SMG1: variants seen among roughly 807,000 people sequenced by gnomAD.
SMG1 encodes the protein serine/threonine-protein kinase SMG1.
In SMG1, 22 loss-of-function variants were observed where a neutral mutation model predicts 419.9. The observed-to-expected ratio is 0.05, with a 90% CI of 0.04 to 0.07. The LOEUF (loss-of-function observed/expected upper bound fraction) is 0.07. Ranked by LOEUF, SMG1 falls within the 10% of genes least tolerant of loss-of-function variation. The probability of loss-of-function intolerance (pLI) is 1.00; values close to 1 mark genes in which losing one functional copy is unlikely to be tolerated. For missense variants in SMG1, 3,185 were observed against 4,342.0 expected (o/e 0.73, Z 7.49); for synonymous variants, 1,538 against 1,553.5 (o/e 0.99, Z 0.23).
chr16:18,864,284 C>T (rs1289073160), intron 23 of SMG1, 140 bp from the exon 24 acceptor site: 4 of 704,310 alleles, frequency 5.7e-6, no homozygotes, highest in Non-Finnish European at 8.8e-6. Context: ...CAACCTCTGC[C>T]TCCTGGGTAC....
intron 1 of SMG1, among the ~76,000 whole-genome samples, chr16:18,917,571 A>G (rs775888673): frequency 6.6e-6 from 1 of 151,542 alleles, no homozygotes; most frequent in Admixed American, 6.6e-5. Context: ...CACGCACTCT[A>G]ACACACACAC....
Position 18,815,254 on chromosome 16 carries a change from T to C in SMG1, c.10542A>G (p.Ala3514=), listed in dbSNP as rs1275957999. The change falls in exon 60 of 63, where the codon GCA becomes GCG. Residue 3514 remains alanine (A), a synonymous_variant. Coordinates refer to ENST00000446231, the MANE Select transcript of SMG1 (RefSeq NM_015092.5). ...QSIYNNLVSF[A]SPLVTDATNE... ...TTGTTGCATCGGTGACTAAGGGTGATGCAAAACTCACTAAATTATTATAGA... is the reference window on the plus strand; with the variant it reads ...TTGTTGCATCGGTGACTAAGGGTGACGCAAAACTCACTAAATTATTATAGA... The C allele has an allele frequency of 1.3e-6, 2 of 1,588,750 alleles. No homozygotes were observed. Among genetic ancestry groups the C allele is most frequent in the East Asian group, 2.3e-5 (1 of 43,782 alleles).
At chr16:18,916,247 G>A (rs1158313250) in intron 1 of SMG1, among the ~76,000 whole-genome samples, 2 of 151,664 alleles carry the variant, frequency 1.3e-5, no homozygotes, top group Non-Finnish European at 2.9e-5. Context: ...CAGGCACGGT[G>A]GCTCACGCCT....
intron 55 of SMG1, among the ~76,000 whole-genome samples, chr16:18,827,468 A>ATATT (rs1278349138): frequency 1.4e-5 from 2 of 144,994 alleles, no homozygotes; most frequent in African/African-American, 5.1e-5. Flanking sequence ...ATATATATAT[A>ATATT]TTTTTATATA....
intron 1 of SMG1, among the ~76,000 whole-genome samples, chr16:18,919,064 T>G (rs1313586139): frequency 6.6e-6 from 1 of 151,240 alleles, no homozygotes; most frequent in African/African-American, 2.4e-5. Flanking sequence ...CAGTAGCTTA[T>G]GCCTGTAATC....
At chr16:18,908,304 G>A (rs959803971) in intron 1 of SMG1, among the ~76,000 whole-genome samples, 13 of 150,258 alleles carry the variant, frequency 8.7e-5, no homozygotes, top group Admixed American at 4.0e-4. Context: ...GGCGGAGGTT[G>A]CAGTGAGCCG....
Position 18,833,147 on chromosome 16 carries a change from C to A in SMG1, c.8585G>T (p.Arg2862Leu), listed in dbSNP as rs528487216. 6.2e-7 allele frequency: 1 copy of A among 1,613,414 alleles called. No homozygotes were observed. The highest frequency in any genetic ancestry group is 1.1e-5 in the South Asian group (1 of 90,976). Residue 2862 changes from arginine to leucine, a missense_variant, in exon 51 of 63, where the codon CGG becomes CTG. Physicochemically the swap from Arg to Leu is moderately radical, Grantham distance 102 (BLOSUM62 -2). Coordinates refer to ENST00000446231, the MANE Select transcript of SMG1 (RefSeq NM_015092.5). ...TSLQELNSNF[R>L]QIIFPEALRC... is the part of the protein sequence containing the mutation. Reference sequence around the variant, plus strand: ...AAGTGCTTCTGGAAATATGATTTGCCGGAAATTCGAATTCAATTCCTATAA... The same window carrying A: ...AAGTGCTTCTGGAAATATGATTTGCAGGAAATTCGAATTCAATTCCTATAA...
Position 18,828,814 on chromosome 16 carries a change from C to G in SMG1, c.9603+472G>C, listed in dbSNP as rs2032945295. ...GGGAGTTCGAGACCAGCCTGACCAA[C>G]ATGGAGAAACCCCATCTCTACTAAA... On this transcript the variant is annotated intron_variant, in intron 54 of 62. Coordinates refer to ENST00000446231, the MANE Select transcript of SMG1 (RefSeq NM_015092.5). 1.3e-5 allele frequency among the ~76,000 whole-genome samples: 2 copies of G among 152,160 alleles called. 1 individual carries two copies. The highest frequency in any genetic ancestry group is 4.1e-4 in the South Asian group (2 of 4,832).
chr16:18,815,362 T>C (rs1276365340), intron 59 of SMG1, 78 bp downstream of exon 59: 2 of 1,570,192 alleles, frequency 1.3e-6, no homozygotes, highest in East Asian at 4.5e-5. Flanking sequence ...AACTGAAAAA[T>C]TAAATCAAGA....
In SMG1 at chr16:18,877,211, T is replaced by C. The variant is rs1042031121; in HGVS notation, c.1540A>G (p.Lys514Glu). The C allele has an allele frequency of 1.3e-6, 2 of 1,549,880 alleles. No individual in the cohort carries two copies. The highest frequency in any genetic ancestry group is 3.7e-5 in the Admixed American group (2 of 53,634). Residue 514 changes from lysine to glutamate, a missense_variant, in exon 12 of 63, where the codon AAA (lysine) becomes GAA (glutamate). This residue lies in a region of SMG1 where 297 missense variants were observed against 491.0 expected (regional missense o/e 0.60). Coordinates refer to ENST00000446231, the MANE Select transcript of SMG1 (RefSeq NM_015092.5). ...LTLIVEQINT[K>E]LPSSFVEKLF... ...TTTTCTACAAATGATGATGGCAGTT[T>C]CGTATTTATCTGTTCAACAATCTAA...
Position 18,849,104 on chromosome 16 carries a change from A to AAC in SMG1, c.5623+112_5623+113insGT, listed in dbSNP as rs1555493201. 5.5e-4 allele frequency: 145 copies of AAC among 262,622 alleles called. 27 individuals are homozygous for AAC. The highest frequency in any genetic ancestry group is 9.1e-4 in the Admixed American group (13 of 14,306). The allele number at this position is 262,622 out of a possible 1,614,324, so 16.3% of individuals were successfully genotyped here. A position where few individuals can be genotyped will look rare whatever the true frequency, so the allele number is the denominator to read the frequency against. ...AAAAAAAAAAAAAAAAAAAAAAAAA[A>AAC]AACCCTACAAACTCTAACAACTCTG... On this transcript the variant is annotated intron_variant, in intron 36 of 62. Transcript: ENST00000446231.
chr16:18,852,490 T>C (rs1468290826), intron 31 of SMG1, 28 bp from the exon 32 acceptor site: 1 of 1,466,478 alleles, frequency 6.8e-7, no homozygotes, highest in Non-Finnish European at 9.1e-7. Context: ...AAAATAATTA[T>C]AATAAAAGAA....
Position 18,926,170 on chromosome 16 carries a change from G to A in SMG1, c.-129C>T. On this transcript the variant is annotated 5_prime_UTR_variant, in exon 1 of 63. Coordinates refer to ENST00000446231, the MANE Select transcript of SMG1 (RefSeq NM_015092.5). ...AGGAAGCCGAGAAGGAGGAGGAGGA[G>A]GAGGAGGAGGAGAAGGAGGAGGCGG... 4 of 760,214 alleles carry A rather than the reference G, an allele frequency of 5.3e-6. No individual in the cohort carries two copies. The highest frequency in any genetic ancestry group is 8.0e-6 in the Non-Finnish European group (4 of 497,626). 47.1% of individuals were successfully genotyped at this position (760,214 alleles called of 1,614,324 possible).
At chr16:18,919,650 G>A (rs554539070) in intron 1 of SMG1, among the ~76,000 whole-genome samples, 40 of 82,066 alleles carry the variant, frequency 4.9e-4, no homozygotes, top group East Asian at 2.7e-3. Context: ...GTGTGTGTGT[G>A]TATATATACA....
At chr16:18,912,448 T>C (rs555445010) in intron 1 of SMG1, among the ~76,000 whole-genome samples, 27 of 152,114 alleles carry the variant, frequency 1.8e-4, no homozygotes, top group South Asian at 4.1e-4. Context: ...ATTACACACA[T>C]ATATATAAAC....
chr16:18,874,650 G>A (rs1295853476), intron 13 of SMG1, among the ~76,000 whole-genome samples: 3 of 147,266 alleles, frequency 2.0e-5, no homozygotes, highest in Middle Eastern at 3.5e-3. Flanking sequence ...TGGATCACCT[G>A]AGGTCAGGAG....
rs767487355 is a variant in SMG1 at position 18,853,859 on chromosome 16, T to C, written c.4492A>G (p.Thr1498Ala). 17 of 1,609,436 alleles carry C rather than the reference T, an allele frequency of 1.1e-5. No homozygotes were observed. Among genetic ancestry groups the C allele is most frequent in the South Asian group, 2.2e-5 (2 of 90,482 alleles). Reference sequence around the variant, plus strand: ...GAACTCAACATTTCCATTGCATGTGTTGACTGGCCTACAGAAAACCACAAA... The same window carrying C: ...GAACTCAACATTTCCATTGCATGTGCTGACTGGCCTACAGAAAACCACAAA... ...TKLLYTAGQS[T>A]HAMEMLSSCA... Residue 1498 changes from threonine to alanine, a missense_variant, in exon 31 of 63, where the codon ACA (threonine) becomes GCA (alanine). Thr to Ala is a moderately conservative substitution (Grantham distance 58). Around this residue, in one of 27 missense-constraint regions of SMG1, gnomAD observed 493 missense variants for 552.9 expected, o/e 0.89. Transcript: ENST00000446231.
At chr16:18,922,861 G>GT (rs1372517138) in intron 1 of SMG1, among the ~76,000 whole-genome samples, 1 of 152,092 alleles carries the variant, frequency 6.6e-6, no homozygotes, top group African/African-American at 2.4e-5. Flanking sequence ...TGGGCAGACT[G>GT]TTTGAGTTCA....
At chr16:18,809,979 T>TA (rs951552701) in intron 62 of SMG1, among the ~76,000 whole-genome samples, 218 of 143,368 alleles carry the variant, frequency 1.5e-3, no homozygotes, top group African/African-American at 4.0e-3. Flanking sequence ...AACGGTTTCT[T>TA]AAAAAAAAAA....
Sources: gnomAD v4.1 joint callset for allele counts (sites outside exome capture counted in the v4.1 genomes callset) on GRCh38, gnomAD v4.1.1 for gene constraint, gnomAD v4.1.1 regional missense constraint, MANE v1.5 for transcripts, NCBI Gene and HGNC (gene_info 2026-07-23, HGNC 2026-07-21) for gene names.